Variants in NEXN observed in about 807,000 individuals in gnomAD.
NEXN encodes the protein nexilin F-actin binding protein.
Under a neutral mutation model 92.6 loss-of-function variants are expected in NEXN, and 65 were observed. The ratio of observed to expected loss-of-function variants is 0.70; its 90% CI spans 0.57 to 0.86. The LOEUF is 0.86. Ranked by LOEUF, NEXN falls within the 40% of genes least tolerant of loss-of-function variation. NEXN has a pLI of 0.00. For synonymous variants in NEXN, 254 were observed against 242.5 expected (o/e 1.05, Z -0.44); for missense variants, 778 against 771.1 (o/e 1.01, Z -0.11).
intron 1 of NEXN, among the ~76,000 whole-genome samples, chr1:77,898,960 A>G (rs1229359319): frequency 6.6e-6 from 1 of 152,248 alleles, no homozygotes; most frequent in Admixed American, 6.5e-5. Context: ...ACAATGAGAT[A>G]CCATCTCACA....
At chr1:77,924,544 T>C (rs1649701601) in intron 5 of NEXN, among the ~76,000 whole-genome samples, 1 of 152,234 alleles carries the variant, frequency 6.6e-6, no homozygotes. Context: ...TTGGTTTAAA[T>C]TGCTAATTAA....
chr1:77,927,809 T>C (rs996027708), intron 8 of NEXN, among the ~76,000 whole-genome samples: 4 of 152,152 alleles, frequency 2.6e-5, no homozygotes, highest in African/African-American at 4.8e-5. Context: ...CTTCTTTTTT[T>C]TTTTAACTTC....
At chr1:77,921,256 T>G (rs868744000) in intron 5 of NEXN, among the ~76,000 whole-genome samples, 1 of 151,940 alleles carries the variant, frequency 6.6e-6, no homozygotes, top group African/African-American at 2.4e-5. Flanking sequence ...GAGGCTAAAG[T>G]GGGAGGATTG....
Position 77,926,547 on chromosome 1 carries a change from A to G in NEXN, c.623A>G (p.Lys208Arg). 1.2e-6 allele frequency: 2 copies of G among 1,613,912 alleles called. No homozygotes were observed. Among genetic ancestry groups the G allele is most frequent in the Non-Finnish European group, 1.7e-6 (2 of 1,179,906 alleles). Residue 208 changes from lysine to arginine, a missense_variant, in exon 7 of 13, where the codon AAA becomes AGA. Physicochemically the swap from Lys to Arg is conservative, Grantham distance 26. Transcript: ENST00000334785. ...GAAAGGATCAAGTACGAGGAAGATAAAAGAATAAGATATGAAGAACAACGA... is the reference window on the plus strand; with the variant it reads ...GAAAGGATCAAGTACGAGGAAGATAGAAGAATAAGATATGAAGAACAACGA... ...EKERIKYEED[K>R]RIRYEEQRPS...
At chr1:77,912,488 C>T (rs1333161485) in intron 1 of NEXN, among the ~76,000 whole-genome samples, 1 of 152,068 alleles carries the variant, frequency 6.6e-6, no homozygotes, top group Non-Finnish European at 1.5e-5. Context: ...TTGGAATAGC[C>T]AACACAGTGT....
intron 1 of NEXN, among the ~76,000 whole-genome samples, chr1:77,899,335 A>C (rs1475198667): frequency 5.9e-5 from 9 of 152,052 alleles, no homozygotes; most frequent in Non-Finnish European, 1.3e-4. Context: ...GCCATAAAAA[A>C]TGATGAGTTC....
chr1:77,928,969 C>T (rs1246629102), intron 8 of NEXN, among the ~76,000 whole-genome samples: 1 of 152,162 alleles, frequency 6.6e-6, no homozygotes, highest in Non-Finnish European at 1.5e-5. Flanking sequence ...CCAGGCTGGT[C>T]TTGAACTCCT....
At chr1:77,931,948 G>C (rs1650349339) in intron 9 of NEXN, 1 of 150,520 alleles carries the variant, frequency 6.6e-6, no homozygotes, top group Admixed American at 6.6e-5. Flanking sequence ...TGTTTTTTTT[G>C]AGATGGAGTC....
At chr1:77,898,729 A>G (rs1473179890) in intron 1 of NEXN, among the ~76,000 whole-genome samples, 1 of 152,222 alleles carries the variant, frequency 6.6e-6, no homozygotes, top group Non-Finnish European at 1.5e-5. Context: ...TAGGCAACCT[A>G]CAAAATGGGA....
chr1:77,940,506 TACTC>T (rs958158680), intron 11 of NEXN, among the ~76,000 whole-genome samples: 51 of 152,236 alleles, frequency 3.4e-4, no homozygotes, highest in African/African-American at 1.2e-3. Flanking sequence ...TTATTTTACT[TACTC>T]AAATTTATTT....
chr1:77,930,997 G>A (rs1263583278), intron 9 of NEXN, among the ~76,000 whole-genome samples: 3 of 152,122 alleles, frequency 2.0e-5, no homozygotes, highest in Admixed American at 6.5e-5. Flanking sequence ...GAAATCTTAC[G>A]TGCAGTAGGT....
At chr1:77,939,912 A>G (rs184382951) in intron 11 of NEXN, among the ~76,000 whole-genome samples, 1 of 152,290 alleles carries the variant, frequency 6.6e-6, no homozygotes, top group African/African-American at 2.4e-5. Flanking sequence ...TGTCTCTACT[A>G]AAAATACAAA....
chr1:77,926,388 G>C (rs760676997), intron 6 of NEXN, 26 bp from the exon 7 acceptor site: 18 of 1,519,422 alleles, frequency 1.2e-5, no homozygotes, highest in Non-Finnish European at 1.6e-5. Context: ...AGAAGAAATA[G>C]GCTAATTATC....
intron 11 of NEXN, 31 bp downstream of exon 11, chr1:77,936,075 G>T: frequency 6.9e-7 from 1 of 1,445,376 alleles, no homozygotes; most frequent in South Asian, 1.2e-5. Context: ...ACATAGTTAT[G>T]GTACAGTAAT....
chr1:77,922,006 G>T (rs1375523437), intron 5 of NEXN, among the ~76,000 whole-genome samples: 1 of 152,054 alleles, frequency 6.6e-6, no homozygotes, highest in Non-Finnish European at 1.5e-5. Flanking sequence ...GGGCTCAAGA[G>T]ATCCTCCCAC....
intron 1 of NEXN, among the ~76,000 whole-genome samples, chr1:77,911,281 C>A (rs1408512082): frequency 6.6e-6 from 1 of 152,176 alleles, no homozygotes; most frequent in Non-Finnish European, 1.5e-5. Flanking sequence ...TGTGACAGAT[C>A]AGTCAAAACA....
intron 1 of NEXN, among the ~76,000 whole-genome samples, chr1:77,910,154 A>C (rs1264583582): frequency 6.6e-6 from 1 of 152,228 alleles, no homozygotes; most frequent in Non-Finnish European, 1.5e-5. Context: ...AACATCTGTT[A>C]CTGATAATTA....
At chr1:77,926,310 C>G in intron 6 of NEXN, 104 bp from the exon 7 acceptor site, 1 of 729,076 alleles carries the variant, frequency 1.4e-6, no homozygotes, top group East Asian at 2.6e-5. Flanking sequence ...TTCATAATAA[C>G]ATTGATGACA....
intron 1 of NEXN, among the ~76,000 whole-genome samples, chr1:77,909,461 G>A (rs1648392789): frequency 6.6e-6 from 1 of 151,818 alleles, no homozygotes; most frequent in Non-Finnish European, 1.5e-5. Flanking sequence ...ATATCTAACA[G>A]GTAACTTTAG....
Sources: allele counts gnomAD v4.1 joint callset (sites outside exome capture counted in the v4.1 genomes callset), GRCh38; gene constraint gnomAD v4.1.1; transcripts MANE v1.5; gene names NCBI Gene and HGNC (gene_info 2026-07-23, HGNC 2026-07-21).